KCNJ3: variants seen among roughly 807,000 people sequenced by gnomAD.
KCNJ3 encodes the protein G protein-activated inward rectifier potassium channel 1.
A neutral mutation model predicts 39.2 loss-of-function variants in KCNJ3; 4 were observed. The observed-to-expected ratio is 0.10, with a 90% CI of 0.05 to 0.23. The LOEUF (loss-of-function observed/expected upper bound fraction) is 0.23. Ranked by LOEUF, KCNJ3 falls within the 10% of genes least tolerant of loss-of-function variation. The probability of loss-of-function intolerance (pLI) is 1.00; values close to 1 mark genes in which losing one functional copy is unlikely to be tolerated. For missense variants in KCNJ3, 276 were observed against 634.9 expected, an observed-to-expected ratio of 0.43 and a Z score of 6.08; for synonymous variants, 230 against 237.4, an observed-to-expected ratio of 0.97 and a Z score of 0.29.
intron 2 of KCNJ3, among the ~76,000 whole-genome samples, chr2:154,770,583 C>T (rs1415270630): frequency 1.3e-5 from 2 of 151,992 alleles, no homozygotes; most frequent in Non-Finnish European, 2.9e-5. Flanking sequence ...CAGTCTATTT[C>T]ATTTATTACA....
In KCNJ3 at chr2:154,699,243, C is replaced by G. The variant is rs1158634613; in HGVS notation, c.468C>G (p.Pro156=). 12 of 1,614,004 alleles carry G rather than the reference C, an allele frequency of 7.4e-6. No homozygotes were observed. Among genetic ancestry groups the G allele is most frequent in the African/African-American group, 1.3e-5 (1 of 74,932 alleles). Residue 156 remains proline, a synonymous_variant, in exon 1 of 3, where the codon CCC becomes CCG. Coordinates refer to ENST00000295101, the MANE Select transcript of KCNJ3 (RefSeq NM_002239.4). The surrounding 1 kb of genome is among the most constrained non-coding windows in gnomAD (Gnocchi z 6.4). The part of the protein sequence containing the change: ...YGYRYITDKC[P]EGIILFLFQS... ...ACCGATACATCACAGACAAGTGCCC[C>G]GAGGGCATCATCCTCTTCCTCTTCC...
At chr2:154,734,632 C>G (rs1438381193) in intron 2 of KCNJ3, among the ~76,000 whole-genome samples, 2 of 152,132 alleles carry the variant, frequency 1.3e-5, no homozygotes, top group Non-Finnish European at 2.9e-5. Flanking sequence ...GTGTTTCACC[C>G]CTCTACTATT....
chr2:154,750,638 G>A (rs1421007286), intron 2 of KCNJ3, among the ~76,000 whole-genome samples: 2 of 151,826 alleles, frequency 1.3e-5, no homozygotes, highest in Non-Finnish European at 2.9e-5. Flanking sequence ...ATTTATTATC[G>A]TAGCTGCTTG....
chr2:154,804,118 AT>A (rs1686869545), intron 2 of KCNJ3, among the ~76,000 whole-genome samples: 1 of 152,120 alleles, frequency 6.6e-6, no homozygotes, highest in African/African-American at 2.4e-5. Flanking sequence ...TAATAAAATG[AT>A]TTAAAAAATG....
chr2:154,793,845 A>G (rs1157600439), intron 2 of KCNJ3, among the ~76,000 whole-genome samples: 1 of 152,062 alleles, frequency 6.6e-6, no homozygotes, highest in Non-Finnish European at 1.5e-5. Context: ...AGTGAGTTGT[A>G]TCAGAGGGAA....
intron 2 of KCNJ3, among the ~76,000 whole-genome samples, chr2:154,765,721 G>A (rs749279544): frequency 4.6e-5 from 7 of 152,148 alleles, no homozygotes; most frequent in South Asian, 2.1e-4. Context: ...CTCTTGGGAC[G>A]CTGTGGAATA....
chr2:154,856,089 A>G lies in KCNJ3; in HGVS notation c.*776A>G, dbSNP rs953054745. 2 of 152,548 alleles carry G rather than the reference A, an allele frequency of 1.3e-5. No individual in the cohort carries two copies. The highest frequency in any genetic ancestry group is 2.9e-5 in the Non-Finnish European group (2 of 67,988). The allele number at this position is 152,548 out of a possible 1,614,324, so 9.4% of individuals were successfully genotyped here. On this transcript the variant is annotated 3_prime_UTR_variant, in exon 3 of 3. Transcript: ENST00000295101. ...ATTGTAAATTTTAGAGCATACCAGT[A>G]CTCAGTATAGCATTGAACATTTCTT... is the stretch of plus-strand genomic sequence containing the variant.
chr2:154,765,445 A>G (rs1686117619), intron 2 of KCNJ3, among the ~76,000 whole-genome samples: 1 of 152,162 alleles, frequency 6.6e-6, no homozygotes, highest in Non-Finnish European at 1.5e-5. Flanking sequence ...GTAAAGCCCA[A>G]AAAGAAGTGA....
chr2:154,856,178 T>C lies in KCNJ3; in HGVS notation c.*865T>C, dbSNP rs1410275361. ...TGTTGATTAATTTGAGAATTATTCC[T>C]TTCCTAGACTAATTAAAATCTGGAA... is the stretch of plus-strand genomic sequence containing the variant. On this transcript the variant is annotated 3_prime_UTR_variant, in exon 3 of 3. Coordinates refer to ENST00000295101, the MANE Select transcript of KCNJ3 (RefSeq NM_002239.4). The C allele has an allele frequency of 1.3e-5, 2 of 152,580 alleles. No homozygotes were observed. The highest frequency in any genetic ancestry group is 2.9e-5 in the Non-Finnish European group (2 of 67,986). The allele number at this position is 152,580 out of a possible 1,614,324, so 9.5% of individuals were successfully genotyped here.
At chr2:154,838,527 T>C (rs1362373640) in intron 2 of KCNJ3, among the ~76,000 whole-genome samples, 5 of 152,180 alleles carry the variant, frequency 3.3e-5, no homozygotes, top group Admixed American at 6.5e-5. Flanking sequence ...ATAGAAACAC[T>C]TAGGATCCAG....
chr2:154,709,105 G>A (rs537146801), intron 1 of KCNJ3, among the ~76,000 whole-genome samples: 31 of 152,240 alleles, frequency 2.0e-4, no homozygotes, highest in Admixed American at 6.5e-4. Flanking sequence ...GTTACTTTTC[G>A]AAAGTCTGAA....
At chr2:154,853,285 T>C (rs915056347) in intron 2 of KCNJ3, among the ~76,000 whole-genome samples, 2 of 152,146 alleles carry the variant, frequency 1.3e-5, no homozygotes, top group Non-Finnish European at 2.9e-5. Context: ...AATTCTTTGG[T>C]AATATATAAC....
intron 2 of KCNJ3, among the ~76,000 whole-genome samples, chr2:154,833,615 G>T (rs1687399836): frequency 6.6e-6 from 1 of 152,168 alleles, no homozygotes; most frequent in Admixed American, 6.5e-5. Context: ...TTTAACAAAT[G>T]TATGATGATG....
intron 2 of KCNJ3, among the ~76,000 whole-genome samples, chr2:154,769,054 T>C (rs1686186956): frequency 6.6e-6 from 1 of 152,244 alleles, no homozygotes; most frequent in Non-Finnish European, 1.5e-5. Context: ...GAGACTTTGC[T>C]GAAGTTGCTT....
At chr2:154,784,880 T>C (rs192077254) in intron 2 of KCNJ3, among the ~76,000 whole-genome samples, 204 of 152,308 alleles carry the variant, frequency 1.3e-3, no homozygotes, top group Middle Eastern at 3.4e-3. Flanking sequence ...AGCACAGTAA[T>C]AGTACCTACC....
At chr2:154,707,775 G>A (rs1685038292) in intron 1 of KCNJ3, among the ~76,000 whole-genome samples, 1 of 152,112 alleles carries the variant, frequency 6.6e-6, no homozygotes, top group Non-Finnish European at 1.5e-5. Context: ...TGTTTATATA[G>A]CACCTGTTTC....
At chr2:154,831,672 T>TAAGAA (rs1687366059) in intron 2 of KCNJ3, among the ~76,000 whole-genome samples, 1 of 152,118 alleles carries the variant, frequency 6.6e-6, no homozygotes, top group South Asian at 2.1e-4. Flanking sequence ...AAATATTTAT[T>TAAGAA]AAGAACAGAA....
intron 2 of KCNJ3, among the ~76,000 whole-genome samples, chr2:154,799,318 G>A (rs531313956): frequency 2.4e-4 from 36 of 152,108 alleles, no homozygotes; most frequent in African/African-American, 8.2e-4. Context: ...TTTTGCATTT[G>A]TAGTAGAAAT....
At chr2:154,779,664 C>T (rs1475510813) in intron 2 of KCNJ3, among the ~76,000 whole-genome samples, 2 of 151,474 alleles carry the variant, frequency 1.3e-5, no homozygotes, top group Non-Finnish European at 2.9e-5. Context: ...CTTCCTCAGC[C>T]TCCCGAGTAG....
Sources: gnomAD v4.1 joint callset for allele counts (sites outside exome capture counted in the v4.1 genomes callset) on GRCh38, gnomAD v4.1.1 for gene constraint, Gnocchi (gnomAD v3.1) non-coding constraint, MANE v1.5 for transcripts, NCBI Gene and HGNC (gene_info 2026-07-23, HGNC 2026-07-21) for gene names.